SOX5: variants seen among roughly 807,000 people sequenced by gnomAD.
SOX5 encodes the protein transcription factor SOX-5.
Under a neutral mutation model 92.0 loss-of-function variants are expected in SOX5, and 9 were observed. That is an observed-to-expected ratio of 0.10 (90% CI 0.06 to 0.17). The LOEUF is 0.17. Among genes scored for constraint, SOX5 ranks in the 10% least tolerant of loss-of-function variants. The probability of loss-of-function intolerance (pLI) is 1.00; values close to 1 mark genes in which losing one functional copy is unlikely to be tolerated. For missense variants in SOX5, 642 were observed against 944.5 expected (o/e 0.68, Z 4.20); for synonymous variants, 344 against 336.3 (o/e 1.02, Z -0.25).
chr12:24,211,581 G>T (rs1958617650), intron 4 of SOX5, among the ~76,000 whole-genome samples: 1 of 152,158 alleles, frequency 6.6e-6, no homozygotes, highest in Admixed American at 6.5e-5. Flanking sequence ...TGATAAGTTG[G>T]CAAAATGGCA....
In SOX5 at chr12:23,979,698, GTTTTTTTTGTTTTTTTTTT is replaced by G. The variant is rs1353514893; in HGVS notation, c.-1-83693_-1-83675del. Reference sequence around the variant, plus strand: ...TTCTTCCTTCCATATATATATATATGTTTTTTTTGTTTTTTTTTTTTTTTTTTTTTTTTTTTGGAGACAG... The same window carrying G: ...TTCTTCCTTCCATATATATATATATGTTTTTTTTTTTTTTTTTGGAGACAG... On this transcript the variant is annotated intron_variant, in intron 4 of 4. Transcript: ENST00000446891. 3.8e-3 allele frequency among the ~76,000 whole-genome samples: 244 copies of G among 64,702 alleles called. 2 individuals are homozygous for G. Among genetic ancestry groups the G allele is most frequent in the Middle Eastern group, 0.014 (1 of 74 alleles). 42.4% of individuals were successfully genotyped at this position (64,702 alleles called of 152,430 possible).
chr12:23,708,964 T>C (rs2140330400), intron 6 of SOX5, among the ~76,000 whole-genome samples: 1 of 152,274 alleles, frequency 6.6e-6, no homozygotes, highest in African/African-American at 2.4e-5. Flanking sequence ...ACATACAAGA[T>C]CATCATGAAA....
intron 4 of SOX5, among the ~76,000 whole-genome samples, chr12:23,970,749 T>C (rs891346566): frequency 6.9e-6 from 1 of 144,980 alleles, no homozygotes; most frequent in African/African-American, 2.5e-5. Flanking sequence ...CAATGAACAT[T>C]GGTGTCCACT....
chr12:23,682,094 T>C (rs1180053907), intron 6 of SOX5, among the ~76,000 whole-genome samples: 1 of 151,778 alleles, frequency 6.6e-6, no homozygotes, highest in Non-Finnish European at 1.5e-5. Context: ...CTAATGGATA[T>C]ATGTAGAATT....
chr12:24,265,822 T>A (rs1565786387), intron 3 of SOX5, among the ~76,000 whole-genome samples: 1 of 152,162 alleles, frequency 6.6e-6, no homozygotes. Context: ...GACTCTGGTG[T>A]GGTTTCTCAT....
intron 1 of SOX5, among the ~76,000 whole-genome samples, chr12:24,434,976 C>T (rs372932062): frequency 1.1e-4 from 16 of 152,316 alleles, no homozygotes; most frequent in Admixed American, 2.6e-4. Flanking sequence ...TCCTTTCTCT[C>T]CCACTGTCTC....
At chr12:24,128,689 C>T (rs12296438) in intron 4 of SOX5, among the ~76,000 whole-genome samples, 14,396 of 152,160 alleles carry the variant, frequency 0.095, 729 homozygotes, top group Non-Finnish European at 0.11. Flanking sequence ...GAAGCCACAA[C>T]CCGCAGGGCC....
intron 1 of SOX5, among the ~76,000 whole-genome samples, chr12:24,447,781 T>C (rs1596753105): frequency 6.6e-6 from 1 of 152,166 alleles, no homozygotes; most frequent in African/African-American, 2.4e-5. Flanking sequence ...AACAGAAGTA[T>C]GGGCAAATGG....
chr12:23,538,732 T>C (rs1941185806), intron 13 of SOX5, among the ~76,000 whole-genome samples: 2 of 151,916 alleles, frequency 1.3e-5, no homozygotes, highest in East Asian at 1.9e-4. Context: ...GGATCAAGGA[T>C]GGTTGATCTA....
At chr12:23,572,261 A>C (rs1243845736) in intron 10 of SOX5, among the ~76,000 whole-genome samples, 1 of 152,196 alleles carries the variant, frequency 6.6e-6, no homozygotes, top group Non-Finnish European at 1.5e-5. Flanking sequence ...TAATAATGGC[A>C]TCACACATTA....
At chr12:24,555,307 C>T (rs1251255355) in intron 1 of SOX5, among the ~76,000 whole-genome samples, 2 of 152,028 alleles carry the variant, frequency 1.3e-5, no homozygotes, top group Non-Finnish European at 2.9e-5. Context: ...GGGCCAATTA[C>T]CTAAAGATGG....
At chr12:23,680,071 A>G (rs755845533) in intron 6 of SOX5, among the ~76,000 whole-genome samples, 2 of 152,050 alleles carry the variant, frequency 1.3e-5, no homozygotes, top group Non-Finnish European at 2.9e-5. Flanking sequence ...CATGCCTGTA[A>G]TCCCATCACT....
chr12:24,245,904 C>G (rs913139588), intron 3 of SOX5, among the ~76,000 whole-genome samples: 2 of 152,030 alleles, frequency 1.3e-5, no homozygotes, highest in Non-Finnish European at 2.9e-5. Context: ...AAGAAAATAA[C>G]CATTTTAGGA....
At chr12:24,242,169 TTAA>T (rs1292405315) in intron 3 of SOX5, among the ~76,000 whole-genome samples, 1 of 152,166 alleles carries the variant, frequency 6.6e-6, no homozygotes, top group African/African-American at 2.4e-5. Context: ...GGGAGGAGTA[TTAA>T]TAACATTTGA....
chr12:23,570,061 G>A (rs1408352376), intron 10 of SOX5, among the ~76,000 whole-genome samples: 1 of 152,098 alleles, frequency 6.6e-6, no homozygotes, highest in Non-Finnish European at 1.5e-5. Context: ...GGACCATATG[G>A]TACAGGTTTA....
At chr12:23,787,368 T>C (rs1404295366) in intron 3 of SOX5, among the ~76,000 whole-genome samples, 1 of 151,992 alleles carries the variant, frequency 6.6e-6, no homozygotes, top group Non-Finnish European at 1.5e-5. Context: ...TGAAAGAATT[T>C]TGGTCTCACT....
intron 3 of SOX5, 87 bp from the exon 4 acceptor site, chr12:23,755,811 C>G (rs911787303): frequency 1.1e-5 from 9 of 795,156 alleles, no homozygotes; most frequent in African/African-American, 1.9e-5. Context: ...AAAAATAAGG[C>G]CATCCCTATC....
intron 4 of SOX5, among the ~76,000 whole-genome samples, chr12:24,172,169 T>G (rs1392082026): frequency 1.3e-5 from 2 of 151,748 alleles, no homozygotes; most frequent in Non-Finnish European, 2.9e-5. Flanking sequence ...TAAACTAAAT[T>G]TGCATTTAAA....
At chr12:23,996,614 T>C (rs531565957) in intron 4 of SOX5, among the ~76,000 whole-genome samples, 32 of 152,338 alleles carry the variant, frequency 2.1e-4, no homozygotes, top group African/African-American at 7.7e-4. Flanking sequence ...CACAATGGAA[T>C]ATTACTTTGC....
Sources: gnomAD v4.1 joint callset for allele counts (sites outside exome capture counted in the v4.1 genomes callset) on GRCh38, gnomAD v4.1.1 for gene constraint, MANE v1.5 for transcripts, NCBI Gene and HGNC (gene_info 2026-07-23, HGNC 2026-07-21) for gene names.